SHANK2: variants seen among roughly 807,000 people sequenced by gnomAD.
SHANK2 encodes the protein SH3 and multiple ankyrin repeat domains protein 2.
SHANK2 carries 43 observed loss-of-function variants against 133.7 expected under a neutral mutation model. The observed-to-expected ratio is 0.32, with a 90% CI of 0.25 to 0.41. SHANK2 has a LOEUF of 0.41. Ranked by LOEUF, SHANK2 falls within the 10% of genes least tolerant of loss-of-function variation. SHANK2 has a pLI of 1.00. For missense variants in SHANK2, 1,994 were observed against 2,235.8 expected, an observed-to-expected ratio of 0.89 and a Z score of 2.18; for synonymous variants, 1,017 against 952.8, an observed-to-expected ratio of 1.07 and a Z score of -1.24.
chr11:70,845,933 C>T (rs1347222067), intron 11 of SHANK2, among the ~76,000 whole-genome samples: 1 of 152,106 alleles, frequency 6.6e-6, no homozygotes, highest in African/African-American at 2.4e-5. Context: ...GAAACGGAGC[C>T]GTCAGAGGAA....
chr11:70,572,303 G>A (rs10899192), intron 17 of SHANK2, among the ~76,000 whole-genome samples: 31,319 of 152,142 alleles, frequency 0.21, 3,828 homozygotes, highest in South Asian at 0.31. Context: ...GGGATTACAG[G>A]TCCCCACCAC....
At chr11:71,221,504 T>C (rs1350224131) in intron 2 of SHANK2, among the ~76,000 whole-genome samples, 2 of 152,178 alleles carry the variant, frequency 1.3e-5, no homozygotes, top group African/African-American at 2.4e-5. Context: ...TTGGGTCATG[T>C]CATTAATCAT....
At chr11:71,080,993 T>TG (rs1342428251) in intron 8 of SHANK2, among the ~76,000 whole-genome samples, 16 of 152,216 alleles carry the variant, frequency 1.1e-4, no homozygotes, top group Non-Finnish European at 1.5e-4. Flanking sequence ...ATTCATGCGT[T>TG]GGAGTCCCCA....
chr11:70,807,886 C>T lies in SHANK2; in HGVS notation c.1494-715G>A, dbSNP rs534716834. On this transcript the variant is annotated intron_variant, in intron 12 of 25. Coordinates refer to ENST00000601538, the MANE Select transcript of SHANK2 (RefSeq NM_012309.5). The surrounding 1 kb of genome is among the most constrained non-coding windows in gnomAD (Gnocchi z 4.8). ...ACACCATGGGTGAACCTTGGGGACA[C>T]TGCTCAGTGAGATACACCAGACACA... Among the ~76,000 whole-genome samples the T allele has an allele frequency of 1.3e-5, 2 of 151,962 alleles. No homozygotes were observed. Among genetic ancestry groups the T allele is most frequent in the Non-Finnish European group, 2.9e-5 (2 of 68,014 alleles).
chr11:70,698,805 G>A, intron 14 of SHANK2, 42 bp from the exon 15 acceptor site: 1 of 718,380 alleles, frequency 1.4e-6, no homozygotes, highest in Non-Finnish European at 2.6e-6. Context: ...GAAAAGTCAT[G>A]GTCCCCGAAC....
intron 17 of SHANK2, among the ~76,000 whole-genome samples, chr11:70,612,381 G>A (rs754542960): frequency 3.9e-5 from 6 of 152,138 alleles, no homozygotes; most frequent in Non-Finnish European, 5.9e-5. Flanking sequence ...TGCATCTCTC[G>A]CCAGGTACAG....
intron 17 of SHANK2, among the ~76,000 whole-genome samples, chr11:70,599,965 A>C (rs960691459): frequency 8.0e-6 from 1 of 125,516 alleles, no homozygotes; most frequent in Non-Finnish European, 1.7e-5. Flanking sequence ...GAAAGAAAGA[A>C]AGAAAGAAAA....
intron 14 of SHANK2, among the ~76,000 whole-genome samples, chr11:70,711,151 C>T (rs572097133): frequency 3.9e-5 from 6 of 152,272 alleles, no homozygotes; most frequent in African/African-American, 4.8e-5. Context: ...GGCTCTGGGG[C>T]GGGGTGGGGT....
chr11:71,179,121 C>T (rs1412592892), intron 2 of SHANK2, among the ~76,000 whole-genome samples: 10 of 152,058 alleles, frequency 6.6e-5, no homozygotes, highest in African/African-American at 1.9e-4. Flanking sequence ...AATATTACCC[C>T]GATACGAAAA....
intron 2 of SHANK2, among the ~76,000 whole-genome samples, chr11:71,219,206 A>G (rs1303199800): frequency 1.3e-5 from 2 of 152,190 alleles, no homozygotes; most frequent in Non-Finnish European, 2.9e-5. Flanking sequence ...ATTTTCTGTA[A>G]AAGTCCAGCT....
At chr11:70,601,218 AT>A (rs34893050) in intron 17 of SHANK2, among the ~76,000 whole-genome samples, 3 of 147,992 alleles carry the variant, frequency 2.0e-5, no homozygotes, top group Non-Finnish European at 3.0e-5. Context: ...CGCCCAGCTA[AT>A]TTTTTTTTTT....
At chr11:70,578,232 G>A (rs1354281155) in intron 17 of SHANK2, among the ~76,000 whole-genome samples, 9 of 150,750 alleles carry the variant, frequency 6.0e-5, no homozygotes, top group African/African-American at 1.7e-4. Context: ...CTCGAATCCC[G>A]GCAGGATGCC....
chr11:70,592,523 T>C (rs1487626475), intron 17 of SHANK2, among the ~76,000 whole-genome samples: 1 of 150,934 alleles, frequency 6.6e-6, no homozygotes, highest in East Asian at 2.0e-4. Context: ...GCCAGGGGAG[T>C]CTTTCTGAAG....
intron 3 of SHANK2, among the ~76,000 whole-genome samples, chr11:71,145,747 C>A (rs1952630384): frequency 6.6e-6 from 1 of 152,164 alleles, no homozygotes; most frequent in Non-Finnish European, 1.5e-5. Context: ...ATGATGCTTC[C>A]CCGATCTCCA....
Position 71,147,350 on chromosome 11 carries a change from G to A in SHANK2, c.-12-12C>T. 2 of 1,536,936 alleles carry A rather than the reference G, an allele frequency of 1.3e-6. No homozygotes were observed. The highest frequency in any genetic ancestry group is 2.4e-5 in the South Asian group (2 of 83,246). On this transcript the variant is annotated splice_polypyrimidine_tract_variant and intron_variant, in intron 2 of 25. Transcript: ENST00000601538. Reference sequence around the variant, plus strand: ...ATGGCTGCCTGTGTCTTCGAGGTGGGGAGAAGGAAGACAAAGAACGGGAGA... The same window carrying A: ...ATGGCTGCCTGTGTCTTCGAGGTGGAGAGAAGGAAGACAAAGAACGGGAGA...
At chr11:70,855,264 G>C (rs1949151796) in intron 11 of SHANK2, among the ~76,000 whole-genome samples, 1 of 152,192 alleles carries the variant, frequency 6.6e-6, no homozygotes, top group South Asian at 2.1e-4. Context: ...GGTATTCTAA[G>C]CCCTACAGGA....
chr11:70,924,667 G>T (rs1285627650), intron 10 of SHANK2, among the ~76,000 whole-genome samples: 1 of 152,060 alleles, frequency 6.6e-6, no homozygotes, highest in Non-Finnish European at 1.5e-5. Context: ...ATGTTGGCCA[G>T]GCTGGTCTCA....
intron 15 of SHANK2, among the ~76,000 whole-genome samples, chr11:70,675,280 G>A (rs367962260): frequency 3.3e-5 from 5 of 152,066 alleles, no homozygotes; most frequent in East Asian, 1.9e-4. Flanking sequence ...ATTATGCTAC[G>A]GCCTTTGAGC....
At chr11:70,857,535 T>G (rs1278168755) in intron 11 of SHANK2, among the ~76,000 whole-genome samples, 4 of 152,112 alleles carry the variant, frequency 2.6e-5, no homozygotes, top group Non-Finnish European at 5.9e-5. Flanking sequence ...CACTTCCTGA[T>G]AAAGACCTTG....
Sources: gnomAD v4.1 joint callset for allele counts (sites outside exome capture counted in the v4.1 genomes callset) on GRCh38, gnomAD v4.1.1 for gene constraint, Gnocchi (gnomAD v3.1) non-coding constraint, MANE v1.5 for transcripts, NCBI Gene and HGNC (gene_info 2026-07-23, HGNC 2026-07-21) for gene names.